Variants in TRIM24 observed in about 807,000 individuals in gnomAD.
The protein encoded by TRIM24 is tripartite motif containing 24.
In TRIM24, 29 loss-of-function variants were observed where a neutral mutation model predicts 123.9. That is an observed-to-expected ratio of 0.23 (90% CI 0.17 to 0.32). The LOEUF (loss-of-function observed/expected upper bound fraction) is 0.32, where lower values mean the gene tolerates loss of function less well. Ranked by LOEUF, TRIM24 falls within the 10% of genes least tolerant of loss-of-function variation. The pLI, the probability that TRIM24 is intolerant of heterozygous loss-of-function variation, is 1.00. For missense variants in TRIM24, 932 were observed against 1,295.3 expected (o/e 0.72, Z 4.31); for synonymous variants, 456 against 461.1 (o/e 0.99, Z 0.14).
chr7:138,548,197 C>T (rs1797138829), intron 7 of TRIM24, among the ~76,000 whole-genome samples: 2 of 152,052 alleles, frequency 1.3e-5, no homozygotes, highest in South Asian at 2.1e-4. Flanking sequence ...CTTACACAAA[C>T]CTAGATGGTT....
chr7:138,470,546 C>A (rs983188958), intron 1 of TRIM24, among the ~76,000 whole-genome samples: 4 of 152,182 alleles, frequency 2.6e-5, no homozygotes, highest in African/African-American at 9.7e-5. Flanking sequence ...TGGCATAAAA[C>A]CCTTAATCTC....
chr7:138,574,296 C>T (rs1797714032), intron 12 of TRIM24, among the ~76,000 whole-genome samples: 1 of 152,124 alleles, frequency 6.6e-6, no homozygotes, highest in Non-Finnish European at 1.5e-5. Flanking sequence ...CTACTCATTT[C>T]CTCTGAGAGA....
intron 2 of TRIM24, among the ~76,000 whole-genome samples, chr7:138,504,759 C>T (rs1302153392): frequency 6.7e-6 from 1 of 149,344 alleles, no homozygotes; most frequent in Non-Finnish European, 1.5e-5. Context: ...CGCACCTGGC[C>T]TCTTTTTTTT....
At chr7:138,516,808 G>GTTTTT (rs1224612357) in intron 3 of TRIM24, among the ~76,000 whole-genome samples, 95 of 131,888 alleles carry the variant, frequency 7.2e-4, no homozygotes, top group Middle Eastern at 3.9e-3. Context: ...TAGCAAAACC[G>GTTTTT]TTTTGTTTTT....
At chr7:138,515,468 T>A (rs1251984085) in intron 3 of TRIM24, 109 bp downstream of exon 3, 1 of 1,253,648 alleles carries the variant, frequency 8.0e-7, no homozygotes, top group African/African-American at 1.5e-5. Context: ...TTAAATATAC[T>A]GTTTTAAGTA....
intron 2 of TRIM24, among the ~76,000 whole-genome samples, chr7:138,506,384 TGCATC>T (rs1796151456): frequency 6.6e-6 from 1 of 152,218 alleles, no homozygotes; most frequent in Non-Finnish European, 1.5e-5. Flanking sequence ...TGTCTTCCAT[TGCATC>T]ATGTCACTTT....
chr7:138,490,963 G>A (rs1049147086), intron 1 of TRIM24: 1 of 308,458 alleles, frequency 3.2e-6, no homozygotes, highest in African/African-American at 2.3e-5. Context: ...CAGAACAAAT[G>A]AAACAAGTAA....
chr7:138,549,176 G>A (rs1319094244), intron 7 of TRIM24, among the ~76,000 whole-genome samples: 3 of 152,304 alleles, frequency 2.0e-5, no homozygotes, highest in African/African-American at 7.2e-5. Flanking sequence ...AACAGCTCCA[G>A]CATCATTAGG....
intron 5 of TRIM24, among the ~76,000 whole-genome samples, chr7:138,525,987 A>C (rs892434233): frequency 6.6e-6 from 1 of 152,202 alleles, no homozygotes; most frequent in Non-Finnish European, 1.5e-5. Flanking sequence ...GGTGTTGTCT[A>C]ACCCCTTTTT....
intron 1 of TRIM24, among the ~76,000 whole-genome samples, chr7:138,476,531 T>TCC (rs1795403891): frequency 6.6e-6 from 1 of 150,582 alleles, no homozygotes; most frequent in African/African-American, 2.5e-5. Flanking sequence ...AGGCGGAGGT[T>TCC]GCAGTGAGCT....
chr7:138,559,440 C>T (rs922684623), intron 9 of TRIM24, among the ~76,000 whole-genome samples: 1 of 152,248 alleles, frequency 6.6e-6, no homozygotes, highest in Non-Finnish European at 1.5e-5. Flanking sequence ...GATAAAGAGA[C>T]AGGATAATAG....
intron 1 of TRIM24, among the ~76,000 whole-genome samples, chr7:138,463,988 A>ATTTTTTTTTTTTTTTTTT (rs1359459460): frequency 1.2e-4 from 4 of 32,112 alleles, no homozygotes; most frequent in African/African-American, 5.3e-4. Context: ...AAAAATTTAG[A>ATTTTTTTTTTTTTTTTTT]CTTTTTTTTT....
rs145011901 is a variant in TRIM24, at chr7:138,578,563, T to TGTGTGTGTGTGCGCGC, written c.2257-640_2257-639insTGTGTGTGTGCGCGCG. Among the ~76,000 whole-genome samples the TGTGTGTGTGTGCGCGC allele has an allele frequency of 3.3e-3, 476 of 145,064 alleles. 3 individuals carry two copies. Among genetic ancestry groups the TGTGTGTGTGTGCGCGC allele is most frequent in the South Asian group, 6.3e-3 (28 of 4,444 alleles). On this transcript the variant is annotated intron_variant, in intron 14 of 18. Transcript: ENST00000343526. The stretch of plus-strand genomic sequence containing the variant: ...GTGTGTGTGTGTGTGTGTGTGTGTG[T>TGTGTGTGTGTGCGCGC]GCGCGCACGCACGAATGGAAGCAGG...
In TRIM24 at chr7:138,584,951, A is replaced by T; in HGVS notation, c.3153A>T (p.Ter1051TyrextTer11). 1 of 1,606,348 alleles carries T rather than the reference A, an allele frequency of 6.2e-7. No homozygotes were observed. Among genetic ancestry groups the T allele is most frequent in the Non-Finnish European group, 8.5e-7 (1 of 1,177,912 alleles). The change falls in exon 19 of 19, where the codon TAA (stop) becomes TAT (tyrosine). Residue 1051 changes from the stop codon to tyrosine (Y), a stop_lost. Coordinates refer to ENST00000343526, the MANE Select transcript of TRIM24 (RefSeq NM_015905.3). Reference protein sequence around the residue: ...KSIEERQLLK* With the variant: ...KSIEERQLLKY ...TTGAAGAACGCCAGTTGCTTAAATA[A>T]TATGCAGCACCACTAGCTTGTGCTG...
chr7:138,462,707 G>C (rs1795030006), intron 1 of TRIM24, among the ~76,000 whole-genome samples: 1 of 152,096 alleles, frequency 6.6e-6, no homozygotes, highest in Non-Finnish European at 1.5e-5. Context: ...CTGTGTCTCT[G>C]ACCCTTGAAT....
intron 11 of TRIM24, among the ~76,000 whole-genome samples, chr7:138,571,780 A>T (rs1422464694): frequency 6.6e-6 from 1 of 152,150 alleles, no homozygotes; most frequent in Non-Finnish European, 1.5e-5. Flanking sequence ...TATGTTACCC[A>T]GGCTGGTCTT....
intron 2 of TRIM24, 65 bp downstream of exon 2, chr7:138,504,473 T>TG: frequency 1.1e-6 from 1 of 919,420 alleles, no homozygotes; most frequent in Non-Finnish European, 1.6e-6. Context: ...TTTTTTTTTT[T>TG]GAGACAGAGT....
chr7:138,558,926 G>A (rs1434251792), intron 9 of TRIM24, among the ~76,000 whole-genome samples: 4 of 152,174 alleles, frequency 2.6e-5, no homozygotes, highest in South Asian at 4.1e-4. Flanking sequence ...AGGAACAAAC[G>A]GGGCACACAT....
intron 1 of TRIM24, 99 bp from the exon 2 acceptor site, chr7:138,504,191 A>G (rs1796099552): frequency 1.5e-6 from 1 of 672,064 alleles, no homozygotes; most frequent in African/African-American, 1.9e-5. Context: ...TTTAAAAAGA[A>G]TGGACATTGA....
Sources: allele counts gnomAD v4.1 joint callset (sites outside exome capture counted in the v4.1 genomes callset), GRCh38; gene constraint gnomAD v4.1.1; transcripts MANE v1.5; gene names NCBI Gene and HGNC (gene_info 2026-07-23, HGNC 2026-07-21).